The following TLN2 variants were observed in gnomAD, a reference collection of about 807,000 sequenced individuals.
TLN2 encodes talin-2.
A neutral mutation model predicts 294.7 loss-of-function variants in TLN2; 118 were observed. The ratio of observed to expected loss-of-function variants is 0.40; its 90% CI spans 0.34 to 0.47. The LOEUF (loss-of-function observed/expected upper bound fraction) is 0.47, where lower values mean the gene tolerates loss of function less well. Among genes scored for constraint, TLN2 ranks in the 20% least tolerant of loss-of-function variants. The pLI is 0.84. For missense variants in TLN2, 3,083 were observed against 3,282.2 expected (o/e 0.94, Z 1.48); for synonymous variants, 1,431 against 1,304.5 (o/e 1.10, Z -2.09).
intron 1 of TLN2, among the ~76,000 whole-genome samples, chr15:62,517,135 G>A (rs1052161594): frequency 2.0e-5 from 3 of 152,314 alleles, no homozygotes; most frequent in Admixed American, 1.3e-4. Flanking sequence ...AGAGGTTGCT[G>A]CTAATTCAGA....
intron 1 of TLN2, among the ~76,000 whole-genome samples, chr15:62,494,966 C>T (rs1175748214): frequency 1.3e-5 from 2 of 152,166 alleles, no homozygotes; most frequent in East Asian, 1.9e-4. Context: ...GCTTCTGTTA[C>T]TGAGAAGGCA....
At chr15:62,681,552 G>C (rs143067005) in intron 11 of TLN2, among the ~76,000 whole-genome samples, 187 of 152,244 alleles carry the variant, frequency 1.2e-3, no homozygotes, top group African/African-American at 4.3e-3. Context: ...GTAATAGAGC[G>C]TGCTTGCATG....
chr15:62,721,940 G>A (rs1178502207), intron 25 of TLN2, among the ~76,000 whole-genome samples: 2 of 152,202 alleles, frequency 1.3e-5, no homozygotes, highest in Non-Finnish European at 2.9e-5. Context: ...TTTGTGAGGT[G>A]CGAGGTCATG....
chr15:62,713,316 C>T (rs1436574069), intron 22 of TLN2, among the ~76,000 whole-genome samples: 1 of 151,522 alleles, frequency 6.6e-6, no homozygotes, highest in Admixed American at 6.6e-5. Context: ...TAAGTGTCTC[C>T]ACATCTTACC....
At position 62,836,572 on chromosome 15, in the gene TLN2, C is replaced by G. The variant is rs998862408; in HGVS notation, c.7374+499C>G. Among the ~76,000 whole-genome samples the G allele has an allele frequency of 3.9e-5, 6 of 152,344 alleles. No individual in the cohort carries two copies. In the East Asian group the frequency reaches 1.2e-3, roughly 29 times the overall value. On this transcript the variant is annotated intron_variant, in intron 57 of 58. Transcript: ENST00000636159. ...TTCAGAGGAGGCCTTCAGCCAGTGTCTGCTACAGAAGGGAGTAAAATGACT... is the reference window on the plus strand; with the variant it reads ...TTCAGAGGAGGCCTTCAGCCAGTGTGTGCTACAGAAGGGAGTAAAATGACT...
intron 48 of TLN2, among the ~76,000 whole-genome samples, chr15:62,799,257 A>G (rs886770528): frequency 1.3e-5 from 2 of 152,186 alleles, no homozygotes; most frequent in African/African-American, 2.4e-5. Context: ...TCGAAAAGGC[A>G]GTGGCGAGGA....
chr15:62,482,714 A>G (rs1184840844), intron 1 of TLN2, among the ~76,000 whole-genome samples: 1 of 151,718 alleles, frequency 6.6e-6, no homozygotes, highest in African/African-American at 2.4e-5. Context: ...TTAAAAGCAA[A>G]ATAAATACAA....
intron 52 of TLN2, among the ~76,000 whole-genome samples, chr15:62,810,994 G>A (rs898792025): frequency 6.6e-6 from 1 of 152,156 alleles, no homozygotes; most frequent in Admixed American, 6.5e-5. Context: ...TGAGGCTTAT[G>A]GCCAACAGAT....
intron 1 of TLN2, among the ~76,000 whole-genome samples, chr15:62,567,564 G>A (rs2043510503): frequency 6.6e-6 from 1 of 152,230 alleles, no homozygotes; most frequent in South Asian, 2.1e-4. Context: ...GCCAGGAGCT[G>A]TGGCTCACGC....
At chr15:62,715,729 C>A (rs2059727635) in intron 22 of TLN2, among the ~76,000 whole-genome samples, 1 of 152,150 alleles carries the variant, frequency 6.6e-6, no homozygotes, top group Non-Finnish European at 1.5e-5. Flanking sequence ...CATTTGGATA[C>A]CATCTCGACT....
intron 2 of TLN2, among the ~76,000 whole-genome samples, chr15:62,598,201 C>A (rs112844427): frequency 1.5e-4 from 23 of 152,296 alleles, no homozygotes; most frequent in African/African-American, 5.5e-4. Flanking sequence ...AGAAGTTAGA[C>A]CCTGGGTGGG....
chr15:62,755,383 A>G (rs1162193503), intron 36 of TLN2, 149 bp from the exon 37 acceptor site: 1 of 920,786 alleles, frequency 1.1e-6, no homozygotes. Context: ...TCTTTCTTGG[A>G]GTGACTTTGA....
chr15:62,520,295 T>C (rs528786647), intron 1 of TLN2, among the ~76,000 whole-genome samples: 1 of 152,364 alleles, frequency 6.6e-6, no homozygotes, highest in Non-Finnish European at 1.5e-5. Context: ...TTCATTGTTG[T>C]ACAGTTGTAT....
At chr15:62,558,172 C>T (rs2042710214) in intron 1 of TLN2, among the ~76,000 whole-genome samples, 1 of 152,202 alleles carries the variant, frequency 6.6e-6, no homozygotes, top group African/African-American at 2.4e-5. Context: ...ATCTTGTCTA[C>T]ATAACTGTGG....
intron 5 of TLN2, 147 bp from the exon 6 acceptor site, chr15:62,651,858 T>A (rs575249135): frequency 9.9e-7 from 1 of 1,013,672 alleles, no homozygotes; most frequent in South Asian, 2.5e-5. Flanking sequence ...CTGAAAACTT[T>A]GAAAGGTTTT....
intron 1 of TLN2, among the ~76,000 whole-genome samples, chr15:62,569,689 GAATGGCTGTGGAAAAC>G (rs1376759230): frequency 1.3e-5 from 2 of 152,238 alleles, no homozygotes; most frequent in Admixed American, 1.3e-4. Flanking sequence ...TGGTAAAGGG[GAATGGCTGTGGAAAAC>G]AGAAGTTGGG....
chr15:62,691,853 T>G (rs2057944888), intron 12 of TLN2, among the ~76,000 whole-genome samples: 1 of 151,916 alleles, frequency 6.6e-6, no homozygotes, highest in Admixed American at 6.6e-5. Flanking sequence ...AAAAAAAAAT[T>G]TATAGAGGTG....
intron 33 of TLN2, among the ~76,000 whole-genome samples, chr15:62,749,029 C>T (rs1474207832): frequency 1.3e-5 from 2 of 152,186 alleles, no homozygotes; most frequent in Admixed American, 6.5e-5. Context: ...GTTATGTATC[C>T]CCATAGAATG....
At chr15:62,802,887 G>A (rs538722381) in intron 50 of TLN2, among the ~76,000 whole-genome samples, 1 of 152,146 alleles carries the variant, frequency 6.6e-6, no homozygotes, top group African/African-American at 2.4e-5. Context: ...TTTGAGAAAT[G>A]TCTATTGAGA....
Sources: allele counts gnomAD v4.1 joint callset (sites outside exome capture counted in the v4.1 genomes callset), GRCh38; gene constraint gnomAD v4.1.1; transcripts MANE v1.5; gene names NCBI Gene and HGNC (gene_info 2026-07-23, HGNC 2026-07-21).